Variants in MAST2 observed in about 807,000 individuals in gnomAD.
The protein encoded by MAST2 is microtubule associated serine/threonine kinase 2.
MAST2 carries 70 observed loss-of-function variants against 147.4 expected under a neutral mutation model. That is an observed-to-expected ratio of 0.47 (90% CI 0.39 to 0.58). MAST2 has a LOEUF of 0.58. Ranked by LOEUF, MAST2 falls within the 20% of genes least tolerant of loss-of-function variation. MAST2 has a pLI of 0.00. For synonymous variants in MAST2, 869 were observed against 896.8 expected (o/e 0.97, Z 0.55); for missense variants, 2,080 against 2,302.3 (o/e 0.90, Z 1.98).
intron 3 of MAST2, among the ~76,000 whole-genome samples, chr1:45,854,808 T>C (rs992361764): frequency 6.6e-6 from 1 of 152,196 alleles, no homozygotes; most frequent in Non-Finnish European, 1.5e-5. Flanking sequence ...TCAGATCCCA[T>C]AGGCTAAGGC....
intron 4 of MAST2, among the ~76,000 whole-genome samples, chr1:45,938,341 G>A (rs939728180): frequency 6.6e-6 from 1 of 151,872 alleles, no homozygotes. Flanking sequence ...CTTTTTTCTT[G>A]GAGATGGAGT....
Position 46,036,108 on chromosome 1 carries a change from T to A in MAST2, c.*42T>A, listed in dbSNP as rs1477482196. On this transcript the variant is annotated 3_prime_UTR_variant, in exon 29 of 29. Coordinates refer to ENST00000361297, the MANE Select transcript of MAST2 (RefSeq NM_015112.3). ...CTTGCACTCAGACCTGTGTAATATA[T>A]GCTCCTGGAAACCATCTTTATGTCT... 1 of 1,528,550 alleles carries A rather than the reference T, an allele frequency of 6.5e-7. No individual in the cohort carries two copies. Among genetic ancestry groups the A allele is most frequent in the East Asian group, 2.3e-5 (1 of 44,246 alleles). 94.7% of individuals were successfully genotyped at this position (1,528,550 alleles called of 1,614,324 possible). A position where few individuals can be genotyped will look rare whatever the true frequency, so the allele number is the denominator to read the frequency against.
intron 4 of MAST2, among the ~76,000 whole-genome samples, chr1:45,937,391 A>C (rs187014569): frequency 6.6e-6 from 1 of 151,956 alleles, no homozygotes; most frequent in Admixed American, 6.5e-5. Context: ...TCAGCTTCCC[A>C]AGTAGCAAGG....
intron 3 of MAST2, among the ~76,000 whole-genome samples, chr1:45,830,432 C>T (rs1644921736): frequency 1.3e-5 from 2 of 152,094 alleles, no homozygotes; most frequent in Admixed American, 1.3e-4. Flanking sequence ...CTCAGCCTCC[C>T]AAAGTGTTGG....
At chr1:45,979,957 T>C (rs1317085560) in intron 5 of MAST2, among the ~76,000 whole-genome samples, 2 of 152,198 alleles carry the variant, frequency 1.3e-5, no homozygotes, top group African/African-American at 2.4e-5. Context: ...CTCCCTTATA[T>C]GTGGGAGCTA....
chr1:46,009,875 G>A (rs1645642403), intron 9 of MAST2, among the ~76,000 whole-genome samples: 1 of 152,180 alleles, frequency 6.6e-6, no homozygotes, highest in African/African-American at 2.4e-5. Flanking sequence ...CCACCTGGTA[G>A]CAAAAGAAAT....
chr1:46,004,904 C>G (rs375072488), intron 7 of MAST2, among the ~76,000 whole-genome samples: 3 of 151,882 alleles, frequency 2.0e-5, no homozygotes, highest in African/African-American at 7.3e-5. Flanking sequence ...AAGACCCTGT[C>G]ACTTAAAAAA....
chr1:45,959,346 G>A (rs747841981), intron 4 of MAST2, 40 bp from the exon 5 acceptor site: 13 of 1,504,694 alleles, frequency 8.6e-6, no homozygotes, highest in South Asian at 1.1e-5. Flanking sequence ...TGGGCCCATG[G>A]TGTGGCCCTA....
chr1:46,021,396 C>T (rs896164746), intron 11 of MAST2, among the ~76,000 whole-genome samples: 6 of 152,226 alleles, frequency 3.9e-5, no homozygotes, highest in African/African-American at 1.4e-4. Flanking sequence ...TTGATTTCCT[C>T]AGTGAGGTCA....
In MAST2 at chr1:45,987,346, G is replaced by A. The variant is rs138795246; in HGVS notation, c.593-10378G>A. Among the ~76,000 whole-genome samples, 1,092 of 152,112 alleles carry A rather than the reference G, an allele frequency of 7.2e-3. 16 individuals are homozygous for A. The highest frequency in any genetic ancestry group is 0.025 in the African/African-American group (1,031 of 41,484). On this transcript the variant is annotated intron_variant, in intron 5 of 28. Transcript: ENST00000361297. Reference sequence around the variant, plus strand: ...TTTTTGGTTTGTTTTTTGAGACAGGGTCTGTCACCCAGGCTGGAGTAGGGT... The same window carrying A: ...TTTTTGGTTTGTTTTTTGAGACAGGATCTGTCACCCAGGCTGGAGTAGGGT...
chr1:45,992,718 C>A (rs1210872935), intron 5 of MAST2, among the ~76,000 whole-genome samples: 4 of 151,932 alleles, frequency 2.6e-5, no homozygotes, highest in African/African-American at 7.3e-5. Context: ...TGGAGTCTTT[C>A]TTTTTTTAAA....
intron 8 of MAST2, among the ~76,000 whole-genome samples, chr1:46,007,870 T>G (rs1461149828): frequency 6.6e-6 from 1 of 152,174 alleles, no homozygotes; most frequent in Non-Finnish European, 1.5e-5. Flanking sequence ...GGAAAAAAAA[T>G]GTACGTGTGC....
At chr1:45,967,099 A>G (rs531207492) in intron 5 of MAST2, among the ~76,000 whole-genome samples, 40 of 150,962 alleles carry the variant, frequency 2.6e-4, no homozygotes, top group Non-Finnish European at 5.3e-4. Context: ...TTTGAGAGAG[A>G]GTCTCACTCT....
intron 4 of MAST2, among the ~76,000 whole-genome samples, chr1:45,926,570 G>T (rs895765559): frequency 3.9e-5 from 6 of 152,118 alleles, no homozygotes; most frequent in African/African-American, 1.4e-4. Flanking sequence ...GACATGGACT[G>T]AAATGAAAAA....
At chr1:45,923,200 T>A (rs1469063369) in intron 4 of MAST2, among the ~76,000 whole-genome samples, 1 of 152,092 alleles carries the variant, frequency 6.6e-6, no homozygotes, top group African/African-American at 2.4e-5. Flanking sequence ...TTGTGGCAGT[T>A]CCCAGGGGTG....
intron 1 of MAST2, among the ~76,000 whole-genome samples, chr1:45,807,079 T>G (rs1644163758): frequency 6.6e-6 from 1 of 152,242 alleles, no homozygotes; most frequent in African/African-American, 2.4e-5. Context: ...GAGAAATATG[T>G]AAAAGTCCTG....
At chr1:45,913,018 T>TA (rs1422890891) in intron 4 of MAST2, among the ~76,000 whole-genome samples, 3 of 152,218 alleles carry the variant, frequency 2.0e-5, no homozygotes, top group Non-Finnish European at 2.9e-5. Flanking sequence ...TTCTGCAACT[T>TA]ACCTTAAACA....
chr1:45,859,728 T>C (rs542195156), intron 3 of MAST2, among the ~76,000 whole-genome samples: 3 of 152,350 alleles, frequency 2.0e-5, no homozygotes. Flanking sequence ...GTTGAGGAAA[T>C]GTTTAGATGC....
At chr1:45,932,894 T>A (rs1299715909) in intron 4 of MAST2, among the ~76,000 whole-genome samples, 1 of 151,938 alleles carries the variant, frequency 6.6e-6, no homozygotes, top group Non-Finnish European at 1.5e-5. Flanking sequence ...GCTGGCTTAT[T>A]TTGTACCCTC....
Sources: allele counts gnomAD v4.1 joint callset (sites outside exome capture counted in the v4.1 genomes callset), GRCh38; gene constraint gnomAD v4.1.1; transcripts MANE v1.5; gene names NCBI Gene and HGNC (gene_info 2026-07-23, HGNC 2026-07-21).